The following MAPRE1 variants were observed in gnomAD, a reference collection of about 807,000 sequenced individuals.
The protein encoded by MAPRE1 is microtubule-associated protein RP/EB family member 1.
A neutral mutation model predicts 32.1 loss-of-function variants in MAPRE1; 5 were observed. The ratio of observed to expected loss-of-function variants is 0.16; its 90% CI spans 0.08 to 0.33. The LOEUF is 0.33. Among genes scored for constraint, MAPRE1 ranks in the 10% least tolerant of loss-of-function variants. The probability of loss-of-function intolerance (pLI) is 1.00; values close to 1 mark genes in which losing one functional copy is unlikely to be tolerated. For missense variants in MAPRE1, 209 were observed against 327.2 expected (o/e 0.64, Z 2.79); for synonymous variants, 122 against 118.9 (o/e 1.03, Z -0.17).
chr20:32,822,529 G>T (rs1982730692), intron 1 of MAPRE1, among the ~76,000 whole-genome samples: 1 of 152,190 alleles, frequency 6.6e-6, no homozygotes, highest in Non-Finnish European at 1.5e-5. Flanking sequence ...ATAGGAGGAT[G>T]AGTGAGACAA....
chr20:32,837,663 A>C (rs1983238098), intron 4 of MAPRE1, among the ~76,000 whole-genome samples: 1 of 152,160 alleles, frequency 6.6e-6, no homozygotes, highest in African/African-American at 2.4e-5. Flanking sequence ...CTTAATGGAG[A>C]GACAATTCGC....
intron 5 of MAPRE1, among the ~76,000 whole-genome samples, chr20:32,842,210 C>T (rs1033047385): frequency 2.0e-5 from 3 of 152,112 alleles, no homozygotes; most frequent in Non-Finnish European, 4.4e-5. Context: ...TTCGGCCTCC[C>T]CAGTAGCTGG....
intron 3 of MAPRE1, among the ~76,000 whole-genome samples, chr20:32,834,693 C>T (rs1682291354): frequency 6.6e-6 from 1 of 151,988 alleles, no homozygotes; most frequent in Non-Finnish European, 1.5e-5. Flanking sequence ...AAGAATATCA[C>T]TTAACTTTCC....
chr20:32,820,939 G>C (rs2053294732), intron 1 of MAPRE1, among the ~76,000 whole-genome samples: 1 of 151,814 alleles, frequency 6.6e-6, no homozygotes, highest in Non-Finnish European at 1.5e-5. Flanking sequence ...TTGGGCACTT[G>C]TTTTGTGTCA....
chr20:32,833,101 C>A (rs4911111), intron 2 of MAPRE1, among the ~76,000 whole-genome samples: 1 of 151,920 alleles, frequency 6.6e-6, no homozygotes, highest in African/African-American at 2.4e-5. Context: ...ACTCCAGAGG[C>A]TGAGGTGGGA....
intron 1 of MAPRE1, among the ~76,000 whole-genome samples, chr20:32,823,090 A>G (rs1229407473): frequency 4.6e-5 from 7 of 152,222 alleles, no homozygotes; most frequent in Admixed American, 2.6e-4. Flanking sequence ...TGCTATGTGC[A>G]AGATACTATG....
chr20:32,823,249 C>G (rs2146119725), intron 1 of MAPRE1, among the ~76,000 whole-genome samples: 1 of 152,290 alleles, frequency 6.6e-6, no homozygotes, highest in South Asian at 2.1e-4. Flanking sequence ...AGGCTTGCAG[C>G]AGCTTAGTGC....
At chr20:32,845,255 G>C (rs1022356953) in intron 5 of MAPRE1, among the ~76,000 whole-genome samples, 6 of 152,074 alleles carry the variant, frequency 3.9e-5, no homozygotes, top group Admixed American at 1.3e-4. Context: ...TGCCCAGGCT[G>C]GTCTCAAGTT....
intron 1 of MAPRE1, among the ~76,000 whole-genome samples, chr20:32,825,391 G>A (rs1045161524): frequency 1.3e-5 from 2 of 152,162 alleles, no homozygotes; most frequent in Non-Finnish European, 2.9e-5. Flanking sequence ...TCTGGCTGGT[G>A]TTGGGCAGTT....
chr20:32,835,342 T>TG (rs1431986819), intron 3 of MAPRE1, among the ~76,000 whole-genome samples: 1 of 151,698 alleles, frequency 6.6e-6, no homozygotes, highest in Non-Finnish European at 1.5e-5. Flanking sequence ...TTGTTATTTT[T>TG]TGTGTGTGTG....
intron 3 of MAPRE1, among the ~76,000 whole-genome samples, chr20:32,834,148 C>T (rs1261674325): frequency 1.3e-5 from 2 of 152,164 alleles, no homozygotes; most frequent in African/African-American, 4.8e-5. Context: ...CCTGTGTAAT[C>T]TCTAGTAGTC....
Position 32,845,043 on chromosome 20 carries a change from G to C in MAPRE1, c.598-1575G>C, listed in dbSNP as rs1983471411. 5.9e-5 allele frequency among the ~76,000 whole-genome samples: 9 copies of C among 152,230 alleles called. No individual in the cohort carries two copies. The South Asian group carries it at 1.9e-3, about 32-fold the overall frequency. On this transcript the variant is annotated intron_variant, in intron 5 of 6. Transcript: ENST00000375571. ...TGTATGTATGTATGTATGAATGAATGAATGAATGATTGAATGAGACAGGGT... is the reference window on the plus strand; with the variant it reads ...TGTATGTATGTATGTATGAATGAATCAATGAATGATTGAATGAGACAGGGT...
chr20:32,840,915 A>G (rs1315635475), intron 5 of MAPRE1, among the ~76,000 whole-genome samples: 1 of 152,104 alleles, frequency 6.6e-6, no homozygotes, highest in Non-Finnish European at 1.5e-5. Context: ...TCCCAGGTTC[A>G]AGGGATTCTT....
rs1016547508 is a variant in MAPRE1, at chr20:32,844,488, C to T, written c.598-2130C>T. Among the ~76,000 whole-genome samples, 7 of 112,616 alleles carry T rather than the reference C, an allele frequency of 6.2e-5. No individual in the cohort carries two copies. In the East Asian group the frequency reaches 1.9e-3, roughly 30 times the overall value. 73.9% of individuals were successfully genotyped at this position (112,616 alleles called of 152,430 possible). A position where few individuals can be genotyped will look rare whatever the true frequency, so the allele number is the denominator to read the frequency against. ...TTTTTTTTGTGGCGTGATCTCAGCT[C>T]ACTGCAACTTCCGCCTCCCGGGTTC... On this transcript the variant is annotated intron_variant, in intron 5 of 6. Transcript: ENST00000375571.
chr20:32,838,232 A>C (rs576637189), intron 4 of MAPRE1, among the ~76,000 whole-genome samples: 2 of 152,108 alleles, frequency 1.3e-5, no homozygotes, highest in East Asian at 3.9e-4. Flanking sequence ...CTATACATGG[A>C]GTCATAGAGT....
chr20:32,828,089 G>T (rs1214825228), intron 2 of MAPRE1, among the ~76,000 whole-genome samples: 1 of 152,110 alleles, frequency 6.6e-6, no homozygotes, highest in East Asian at 1.9e-4. Flanking sequence ...TACGTGTGAA[G>T]CTGTACAGTA....
chr20:32,836,554 A>G, intron 3 of MAPRE1, 80 bp from the exon 4 acceptor site: 1 of 792,316 alleles, frequency 1.3e-6, no homozygotes, highest in Non-Finnish European at 2.1e-6. Flanking sequence ...GCAGAGCTTT[A>G]TAATGAATTG....
At chr20:32,839,994 G>C in intron 5 of MAPRE1, 138 bp downstream of exon 5, 1 of 1,216,114 alleles carries the variant, frequency 8.2e-7, no homozygotes. Context: ...TGAGCCTCAG[G>C]TGCTGTGCGG....
Position 32,836,800 on chromosome 20 carries a change from C to T in MAPRE1, c.434C>T (p.Ala145Val), listed in dbSNP as rs771566682. The change falls in exon 4 of 7, where the codon GCT becomes GTT. Residue 145 changes from alanine (A) to valine (V), a missense_variant. Coordinates refer to ENST00000375571, the MANE Select transcript of MAPRE1 (RefSeq NM_012325.3). ...GTGGCTCCTTCCCTTGTTGCTCCAG[C>T]TCTGAATAAACCGAAGAAACCTCTC... ...TAVAPSLVAP[A>V]LNKPKKPLTS... 3 of 1,613,616 alleles carry T rather than the reference C, an allele frequency of 1.9e-6. No individual in the cohort carries two copies. Among genetic ancestry groups the T allele is most frequent in the East Asian group, 4.5e-5 (2 of 44,902 alleles).
Sources: allele counts gnomAD v4.1 joint callset (sites outside exome capture counted in the v4.1 genomes callset), GRCh38; gene constraint gnomAD v4.1.1; transcripts MANE v1.5; gene names NCBI Gene and HGNC (gene_info 2026-07-23, HGNC 2026-07-21).